Variants in HNRNPUL2 observed in about 807,000 individuals in gnomAD.
HNRNPUL2 encodes the protein heterogeneous nuclear ribonucleoprotein U-like protein 2.
In HNRNPUL2, 27 loss-of-function variants were observed where a neutral mutation model predicts 102.2. The ratio of observed to expected loss-of-function variants is 0.26; its 90% confidence interval spans 0.19 to 0.36. The LOEUF is 0.36. Ranked by LOEUF, HNRNPUL2 falls within the 10% of genes least tolerant of loss-of-function variation. The pLI is 1.00. For synonymous variants in HNRNPUL2, 458 were observed against 387.2 expected (o/e 1.18, Z -2.15); for missense variants, 936 against 981.1 (o/e 0.95, Z 0.61).
At chr11:62,724,844 T>C (rs1299414516) in intron 1 of HNRNPUL2, among the ~76,000 whole-genome samples, 1 of 152,220 alleles carries the variant, frequency 6.6e-6, no homozygotes, top group African/African-American at 2.4e-5. Flanking sequence ...TTGTAACACT[T>C]TTCCACACCT....
At position 62,722,339 on chromosome 11, in the gene HNRNPUL2, A is replaced by G. The variant is rs776320231; in HGVS notation, c.1137T>C (p.Asn379=). 5.6e-6 allele frequency: 9 copies of G among 1,614,076 alleles called. No individual in the cohort carries two copies. In the South Asian group the frequency reaches 9.9e-5, roughly 18 times the overall value. Residue 379 remains asparagine (N), a synonymous_variant, in exon 7 of 14, where the codon AAT becomes AAC. Transcript: ENST00000301785. ...TEEVELSFSK[N]GEDLGVAFWI... ...AGAATGCCACACCTAGGTCTTCTCCATTCTTGGAGAAGGAAAGTTCTACTT... is the reference window on the plus strand; with the variant it reads ...AGAATGCCACACCTAGGTCTTCTCCGTTCTTGGAGAAGGAAAGTTCTACTT...
intron 1 of HNRNPUL2, 76 bp downstream of exon 1, chr11:62,726,543 C>G (rs1258066231): frequency 5.1e-6 from 7 of 1,385,750 alleles, no homozygotes; most frequent in Non-Finnish European, 6.6e-6. Flanking sequence ...GACTCGGACC[C>G]TGCGGTGCAG....
chr11:62,719,881 CAAG>C (rs2083687202), intron 10 of HNRNPUL2, 139 bp downstream of exon 10: 6 of 745,796 alleles, frequency 8.0e-6, no homozygotes, highest in Admixed American at 2.7e-5. Flanking sequence ...AATGATGCAG[CAAG>C]AAGGACCTCA....
At position 62,717,066 on chromosome 11, in the gene HNRNPUL2, G is replaced by C. The variant is rs1443267614; in HGVS notation, c.1904C>G (p.Pro635Arg). Residue 635 changes from proline to arginine, a missense_variant, in exon 11 of 14, where the codon CCC (proline) becomes CGC (arginine). This residue lies in a region of HNRNPUL2 where 609 missense variants were observed against 713.0 expected (regional missense o/e 0.85). Transcript: ENST00000301785. ...YKEEARKLLP[P>R]SEKRTNRRNN... ...TCGGCGATTTGTCCGCTTCTCGGAG[G>C]GGGGCAGAAGCTTCCTTGCCTCCTC... is the stretch of plus-strand genomic sequence containing the variant. 4.3e-6 allele frequency: 7 copies of C among 1,614,158 alleles called. No individual in the cohort carries two copies. Among genetic ancestry groups the C allele is most frequent in the East Asian group, 2.2e-5 (1 of 44,884 alleles).
chr11:62,719,919 G>T, intron 10 of HNRNPUL2, 104 bp downstream of exon 10: 1 of 1,096,288 alleles, frequency 9.1e-7, no homozygotes, highest in Non-Finnish European at 1.3e-6. Flanking sequence ...TATGCTCTTG[G>T]ACTTCCTAGC....
chr11:62,721,690 CAT>C, intron 8 of HNRNPUL2, 128 bp downstream of exon 8: 1 of 1,159,318 alleles, frequency 8.6e-7, no homozygotes, highest in Non-Finnish European at 1.2e-6. Flanking sequence ...ACCTAAAACG[CAT>C]AGAGAAAAAT....
rs914592310 is a variant in HNRNPUL2 at position 62,726,957 on chromosome 11, G to A, written c.200C>T (p.Ser67Leu). ...CKAEPRPVAA[S>L]GGGPGGDEEE... ...CTCGTCCCCGCCCGGGCCGCCGCCC[G>A]ACGCGGCCACAGGCCGAGGCTCCGC... The change falls in exon 1 of 14, where the codon TCG becomes TTG. Residue 67 changes from serine (S) to leucine (L), a missense_variant. By Grantham distance (145) the Ser-to-Leu change is moderately radical. Around this residue, in one of 2 missense-constraint regions of HNRNPUL2, gnomAD observed 327 missense variants for 268.1 expected, o/e 1.22. Transcript: ENST00000301785. 2.7e-5 allele frequency: 40 copies of A among 1,458,508 alleles called. No individual in the cohort carries two copies. The Admixed American group carries it at 7.2e-4, about 26-fold the overall frequency. The allele number at this position is 1,458,508 out of a possible 1,614,324, so 90.3% of individuals were successfully genotyped here.
In HNRNPUL2 at chr11:62,722,876, C is replaced by T. The variant is rs376141944; in HGVS notation, c.919G>A (p.Gly307Ser). 10 of 1,614,010 alleles carry T rather than the reference C, an allele frequency of 6.2e-6. No homozygotes were observed. In the African/African-American group the frequency reaches 1.1e-4, roughly 17 times the overall value. ...KVTQNLPMKE[G>S]CTEVSLLRVG... ...CGAAGGAGAGAGACCTCTGTGCAGC[C>T]TTCTTTCATTGGGAGATTCTGGGTT... The change falls in exon 5 of 14, where the codon GGC (glycine) becomes AGC (serine). Residue 307 changes from glycine (G) to serine (S), a missense_variant. Gly to Ser is a moderately conservative substitution (Grantham distance 56, BLOSUM62 0). Around this residue, in one of 2 missense-constraint regions of HNRNPUL2, gnomAD observed 609 missense variants for 713.0 expected, o/e 0.85. Transcript: ENST00000301785.
chr11:62,722,409 T>C (rs780327939), intron 6 of HNRNPUL2, 29 bp from the exon 7 acceptor site: 24 of 1,606,676 alleles, frequency 1.5e-5, no homozygotes, highest in Admixed American at 1.0e-4. Flanking sequence ...AGAGCACTTA[T>C]TGGCTGACGA....
chr11:62,718,364 G>A (rs1306102364), intron 10 of HNRNPUL2, among the ~76,000 whole-genome samples: 1 of 152,006 alleles, frequency 6.6e-6, no homozygotes, highest in Non-Finnish European at 1.5e-5. Flanking sequence ...ATACCAATGA[G>A]ATCATTCACT....
intron 10 of HNRNPUL2, among the ~76,000 whole-genome samples, chr11:62,718,150 G>A (rs1406960533): frequency 1.3e-5 from 2 of 152,244 alleles, no homozygotes; most frequent in Middle Eastern, 3.4e-3. Context: ...TATTTGAAGA[G>A]CAAGCAGTTG....
In HNRNPUL2 at chr11:62,715,897, C is replaced by A; in HGVS notation, c.2022G>T (p.Gly674=). 6.2e-7 allele frequency: 1 copy of A among 1,612,922 alleles called. No homozygotes were observed. Among genetic ancestry groups the A allele is most frequent in the African/African-American group, 1.3e-5 (1 of 74,974 alleles). The change falls in exon 12 of 14, where the codon GGG becomes GGT. Residue 674 remains glycine (G), a synonymous_variant. Transcript: ENST00000301785. ...QRRGYDNRAY[G]QQYWGQPGNR... Reference sequence around the variant, plus strand: ...TTCCAGGCTGCCCCCAGTACTGCTGCCCGTAGGCCCGGTTGTCGTAGCCTC... The same window carrying A: ...TTCCAGGCTGCCCCCAGTACTGCTGACCGTAGGCCCGGTTGTCGTAGCCTC...
chr11:62,724,006 A>G lies in HNRNPUL2; in HGVS notation c.675-16T>C. On this transcript the variant is annotated splice_polypyrimidine_tract_variant and intron_variant, in intron 2 of 13. Coordinates refer to ENST00000301785, the MANE Select transcript of HNRNPUL2 (RefSeq NM_001079559.3). ...AGACTTTGAGCTATATATGTAAGAT[A>G]GAAAAGAAACACAATGTAAACAAAG... 6.2e-7 allele frequency: 1 copy of G among 1,600,816 alleles called. No homozygotes were observed. Among genetic ancestry groups the G allele is most frequent in the Non-Finnish European group, 8.6e-7 (1 of 1,168,420 alleles).
Position 62,723,567 on chromosome 11 carries a change from G to A in HNRNPUL2, c.891+20C>T. ...TCCAGTAATAAATGAATGAATGAAT[G>A]AATGGTCTTAATGAGCTACCTTTGC... On this transcript the variant is annotated intron_variant, in intron 4 of 13. Transcript: ENST00000301785. 1.9e-6 allele frequency: 3 copies of A among 1,579,498 alleles called. No homozygotes were observed. The highest frequency in any genetic ancestry group is 1.4e-5 in the African/African-American group (1 of 73,504).
chr11:62,720,612 C>G (rs1003821118), intron 9 of HNRNPUL2, among the ~76,000 whole-genome samples: 2 of 150,534 alleles, frequency 1.3e-5, no homozygotes, highest in Admixed American at 1.3e-4. Flanking sequence ...ATCCTGTTAT[C>G]CCAGCACTTT....
intron 11 of HNRNPUL2, among the ~76,000 whole-genome samples, chr11:62,716,471 G>C (rs1011059832): frequency 2.0e-5 from 3 of 152,144 alleles, no homozygotes; most frequent in African/African-American, 7.2e-5. Flanking sequence ...GCACACTGGG[G>C]TTTTAACTGA....
At chr11:62,720,336 A>T (rs1418502229) in intron 9 of HNRNPUL2, 145 bp from the exon 10 acceptor site, 7 of 677,380 alleles carry the variant, frequency 1.0e-5, no homozygotes, top group Non-Finnish European at 1.5e-5. Context: ...ATCTCAGGTC[A>T]GGAGTTCAAG....
intron 1 of HNRNPUL2, among the ~76,000 whole-genome samples, chr11:62,725,452 G>T (rs1202332449): frequency 1.3e-5 from 2 of 152,194 alleles, no homozygotes; most frequent in Non-Finnish European, 2.9e-5. Flanking sequence ...CACCCGCCTG[G>T]CCTCCCAAAG....
chr11:62,725,139 G>A (rs114115724), intron 1 of HNRNPUL2, among the ~76,000 whole-genome samples: 5,636 of 152,266 alleles, frequency 0.037, 350 homozygotes, highest in African/African-American at 0.13. Flanking sequence ...CTAGGCTTCT[G>A]TATTTTGCAA....
Sources: gnomAD v4.1 joint callset for allele counts (sites outside exome capture counted in the v4.1 genomes callset) on GRCh38, gnomAD v4.1.1 for gene constraint, gnomAD v4.1.1 regional missense constraint, MANE v1.5 for transcripts, NCBI Gene and HGNC (gene_info 2026-07-23, HGNC 2026-07-21) for gene names.